Variants in PDE1C observed in about 807,000 individuals in gnomAD.
PDE1C encodes the protein phosphodiesterase 1C, also known as dual specificity calcium/calmodulin-dependent 3',5'-cyclic nucleotide phosphodiesterase 1C.
PDE1C carries 62 observed loss-of-function variants against 93.1 expected under a neutral mutation model. The ratio of observed to expected loss-of-function variants is 0.67; its 90% CI spans 0.54 to 0.82. PDE1C has a LOEUF of 0.82. Among genes scored for constraint, PDE1C ranks in the 40% least tolerant of loss-of-function variants. PDE1C has a pLI of 0.00. For missense variants in PDE1C, 742 were observed against 884.6 expected, an observed-to-expected ratio of 0.84 and a Z score of 2.04; for synonymous variants, 325 against 310.1, an observed-to-expected ratio of 1.05 and a Z score of -0.50.
At chr7:32,211,871 A>G (rs1192612783) in intron 1 of PDE1C, among the ~76,000 whole-genome samples, 1 of 151,726 alleles carries the variant, frequency 6.6e-6, no homozygotes, top group African/African-American at 2.4e-5. Context: ...AAAAAGTTTT[A>G]ACAACTTAGC....
At chr7:32,210,032 T>C (rs1389332409) in intron 1 of PDE1C, among the ~76,000 whole-genome samples, 1 of 152,200 alleles carries the variant, frequency 6.6e-6, no homozygotes, top group Non-Finnish European at 1.5e-5. Flanking sequence ...CAGAAAGATA[T>C]TAAATTTAGA....
At chr7:31,775,811 G>A in intron 16 of PDE1C, 79 bp from the exon 17 acceptor site, 1 of 1,210,400 alleles carries the variant, frequency 8.3e-7, no homozygotes, top group Non-Finnish European at 1.2e-6. Flanking sequence ...CATCTGAAAT[G>A]TTATCAAGTT....
Position 31,854,894 on chromosome 7 carries a change from C to T in PDE1C, c.751-4153G>A, listed in dbSNP as rs567677526. Among the ~76,000 whole-genome samples, 4 of 152,004 alleles carry T rather than the reference C, an allele frequency of 2.6e-5. No individual in the cohort carries two copies. In the South Asian group the frequency reaches 8.3e-4, roughly 32 times the overall value. ...CCAGACTGGCAAACATTGTGAAACC[C>T]CATCTCTACTGAAAATACAAAAATC... On this transcript the variant is annotated intron_variant, in intron 7 of 17. Coordinates refer to ENST00000396191, the MANE Select transcript of PDE1C (RefSeq NM_001191057.4).
intron 2 of PDE1C, among the ~76,000 whole-genome samples, chr7:31,968,882 A>T (rs1810464310): frequency 6.6e-6 from 1 of 152,238 alleles, no homozygotes; most frequent in Non-Finnish European, 1.5e-5. Flanking sequence ...CAATGGGGAA[A>T]GGATTCCCTA....
At position 32,049,190 on chromosome 7, in the gene PDE1C, G is replaced by A. The variant is rs1358794861; in HGVS notation, c.128+2364C>T. Among the ~76,000 whole-genome samples, 19 of 152,084 alleles carry A rather than the reference G, an allele frequency of 1.2e-4. 1 individual carries two copies. The highest frequency in any genetic ancestry group is 8.5e-4 in the Admixed American group (13 of 15,270). On this transcript the variant is annotated intron_variant, in intron 2 of 17. Coordinates refer to ENST00000396191, the MANE Select transcript of PDE1C (RefSeq NM_001191057.4). ...CAGTGGTTCACATGCAATTACTACC[G>A]TGAGTCCAACGAACCTGAACAAGAC...
chr7:31,997,336 T>G (rs1305887785), intron 2 of PDE1C, among the ~76,000 whole-genome samples: 1 of 152,218 alleles, frequency 6.6e-6, no homozygotes, highest in African/African-American at 2.4e-5. Flanking sequence ...ACACAGTATC[T>G]GGCTAGTAGA....
chr7:31,811,377 C>A (rs1787526304), intron 15 of PDE1C, among the ~76,000 whole-genome samples: 1 of 152,030 alleles, frequency 6.6e-6, no homozygotes, highest in Non-Finnish European at 1.5e-5. Context: ...CAGACTAATA[C>A]ACACTAGGTG....
intron 1 of PDE1C, among the ~76,000 whole-genome samples, chr7:32,061,252 A>G (rs944178546): frequency 7.2e-5 from 11 of 152,216 alleles, no homozygotes; most frequent in Non-Finnish European, 1.3e-4. Context: ...GGGAAAGGAA[A>G]GCTGTATTTT....
At position 32,360,937 on chromosome 7, in the gene PDE1C, C is replaced by T. The variant is rs148027332; in HGVS notation, c.310+66885G>A. 1.5e-3 allele frequency among the ~76,000 whole-genome samples: 226 copies of T among 152,146 alleles called. 1 individual carries two copies. Among genetic ancestry groups the T allele is most frequent in the African/African-American group, 5.1e-3 (212 of 41,500 alleles). On this transcript the variant is annotated intron_variant, in intron 1 of 1. Coordinates refer to the PDE1C transcript ENST00000672256. Reference sequence around the variant, plus strand: ...GTGAGCACTTACTGTATGCTAGGCACGGTTGAAGAGCTTTATGGGTACGAA... The same window carrying T: ...GTGAGCACTTACTGTATGCTAGGCATGGTTGAAGAGCTTTATGGGTACGAA...
At chr7:32,341,640 G>A (rs964564355) in intron 1 of PDE1C, among the ~76,000 whole-genome samples, 1 of 152,144 alleles carries the variant, frequency 6.6e-6, no homozygotes, top group Admixed American at 6.5e-5. Flanking sequence ...ATTCAGTTTG[G>A]AGGGGCATGC....
chr7:32,317,645 TCCTACCCATAG>T (rs970316477), intron 1 of PDE1C, among the ~76,000 whole-genome samples: 1 of 152,114 alleles, frequency 6.6e-6, no homozygotes, highest in African/African-American at 2.4e-5. Context: ...GTCATTTTCA[TCCTACCCATAG>T]CCATGTTAAC....
chr7:32,231,925 A>C (rs16875804), intron 1 of PDE1C, among the ~76,000 whole-genome samples: 15,940 of 151,276 alleles, frequency 0.11, 899 homozygotes, highest in East Asian at 0.13. Context: ...ATATTCAAGA[A>C]CCAATCGTGA....
At chr7:31,830,704 G>A (rs1373017237) in intron 11 of PDE1C, among the ~76,000 whole-genome samples, 1 of 151,978 alleles carries the variant, frequency 6.6e-6, no homozygotes, top group South Asian at 2.1e-4. Flanking sequence ...GCCAGTTAGT[G>A]CTCAATAACA....
intron 2 of PDE1C, among the ~76,000 whole-genome samples, chr7:32,189,010 C>T (rs1804060895): frequency 6.6e-6 from 1 of 152,178 alleles, no homozygotes; most frequent in Non-Finnish European, 1.5e-5. Flanking sequence ...GAATGGGACT[C>T]AACCTGCTTC....
downstream of PDE1C, among the ~76,000 whole-genome samples, chr7:31,747,559 C>A (rs1477920613): frequency 4.6e-5 from 7 of 152,136 alleles, no homozygotes; most frequent in African/African-American, 1.4e-4. Context: ...CCACTGAGAT[C>A]TCAGCATTGC....
chr7:31,735,805 C>T, the PDE1C span, among the ~76,000 whole-genome samples: 7 of 152,186 alleles, frequency 4.6e-5, no homozygotes, highest in South Asian at 2.1e-4. Context: ...GCAGAAGTGG[C>T]GAAATTGTAT....
At chr7:32,205,832 T>C (rs1805426666) in intron 2 of PDE1C, among the ~76,000 whole-genome samples, 1 of 152,158 alleles carries the variant, frequency 6.6e-6, no homozygotes, top group Non-Finnish European at 1.5e-5. Flanking sequence ...TGCCAAGGTC[T>C]GCAGCTTCAC....
At chr7:31,917,370 C>T (rs1013514298) in intron 2 of PDE1C, among the ~76,000 whole-genome samples, 1 of 152,160 alleles carries the variant, frequency 6.6e-6, no homozygotes, top group Non-Finnish European at 1.5e-5. Flanking sequence ...ACAAATGCCA[C>T]AAGCACAAAT....
chr7:31,812,234 A>G (rs1008202400), intron 15 of PDE1C, among the ~76,000 whole-genome samples: 2 of 152,172 alleles, frequency 1.3e-5, no homozygotes, highest in Non-Finnish European at 2.9e-5. Flanking sequence ...ATTTCAGGAA[A>G]TAAGCACAGT....
Sources: gnomAD v4.1 joint callset for allele counts (sites outside exome capture counted in the v4.1 genomes callset) on GRCh38, gnomAD v4.1.1 for gene constraint, MANE v1.5 for transcripts, NCBI Gene and HGNC (gene_info 2026-07-23, HGNC 2026-07-21) for gene names.